Variants in COL1A2 observed in about 807,000 individuals in gnomAD.
The protein encoded by COL1A2 is collagen type I alpha 2 chain.
COL1A2 carries 49 observed loss-of-function variants against 174.3 expected under a neutral mutation model. The ratio of observed to expected loss-of-function variants is 0.28; its 90% confidence interval spans 0.22 to 0.36. The LOEUF (loss-of-function observed/expected upper bound fraction) is 0.36, where lower values mean the gene tolerates loss of function less well. Ranked by LOEUF, COL1A2 falls within the 10% of genes least tolerant of loss-of-function variation. The pLI is 1.00. For synonymous variants in COL1A2, 655 were observed against 606.6 expected (o/e 1.08, Z -1.17); for missense variants, 1,438 against 1,822.7 (o/e 0.79, Z 3.84).
At chr7:94,396,842 C>A (rs1209989279) in intron 1 of COL1A2, among the ~76,000 whole-genome samples, 1 of 152,128 alleles carries the variant, frequency 6.6e-6, no homozygotes, top group Non-Finnish European at 1.5e-5. Flanking sequence ...CACTTCTTGG[C>A]CACCTAATTA....
chr7:94,406,443 T>C (rs867401680), intron 12 of COL1A2, 140 bp downstream of exon 12: 1 of 733,858 alleles, frequency 1.4e-6, no homozygotes, highest in Middle Eastern at 3.1e-4. Context: ...TTCAAATCCC[T>C]CAAGGATGGG....
In COL1A2 at chr7:94,430,601, A is replaced by AT. The variant is rs1017645175; in HGVS notation, c.*211dup. The AT allele has an allele frequency of 6.8e-6, 4 of 587,026 alleles. No individual in the cohort carries two copies. Among genetic ancestry groups the AT allele is most frequent in the African/African-American group, 3.7e-5 (2 of 53,610 alleles). 36.4% of individuals were successfully genotyped at this position (587,026 alleles called of 1,614,324 possible). On this transcript the variant is annotated 3_prime_UTR_variant, in exon 52 of 52. Coordinates refer to ENST00000297268, the MANE Select transcript of COL1A2 (RefSeq NM_000089.4). ...AACTCCTTCCCCCGCTCCCCCAAAA[A>AT]TTTGAATTTTTTTTTCAACACTCTT...
At position 94,427,733 on chromosome 7, in the gene COL1A2, C is replaced by T; in HGVS notation, c.3374C>T (p.Ala1125Val). Residue 1125 changes from alanine (A) to valine (V), a missense_variant, in exon 49 of 52, where the codon GCA becomes GTA. Transcript: ENST00000297268. ...DFYRADQPRS[A>V]PSLRPKDYEV... ...TACAGGGCTGACCAGCCTCGCTCAG[C>T]ACCTTCTCTCAGACCCAAGGACTAT... 6.2e-7 allele frequency: 1 copy of T among 1,614,120 alleles called. No homozygotes were observed.
intron 1 of COL1A2, 51 bp downstream of exon 1, chr7:94,395,152 G>A (rs371620598): frequency 2.0e-5 from 29 of 1,475,140 alleles, no homozygotes; most frequent in Non-Finnish European, 2.3e-5. Context: ...GGTTAGATGG[G>A]AGGGCACCCT....
intron 6 of COL1A2, among the ~76,000 whole-genome samples, chr7:94,402,135 A>G (rs1791700962): frequency 6.6e-6 from 1 of 152,096 alleles, no homozygotes; most frequent in Non-Finnish European, 1.5e-5. Context: ...CATCCAGGTA[A>G]CTAATGACAT....
In COL1A2 at chr7:94,395,125, G is replaced by T. The variant is rs768796844; in HGVS notation, c.70+24G>T. 2.5e-6 allele frequency: 4 copies of T among 1,607,582 alleles called. No homozygotes were observed. The East Asian group carries it at 8.9e-5, about 36-fold the overall frequency. On this transcript the variant is annotated intron_variant, in intron 1 of 51. Coordinates refer to ENST00000297268, the MANE Select transcript of COL1A2 (RefSeq NM_000089.4). The stretch of plus-strand genomic sequence containing the variant: ...ATGTAAGTGCCTTCAGCTTGTTTGG[G>T]GGAGACTGGGTAGAGAGGTTAGATG...
At chr7:94,428,034 C>A in intron 49 of COL1A2, 149 bp downstream of exon 49, 2 of 952,306 alleles carry the variant, frequency 2.1e-6, no homozygotes, top group Non-Finnish European at 1.6e-6. Context: ...CATCTTCTCC[C>A]AACCAGCACC....
At chr7:94,404,376 G>A (rs919081764) in intron 6 of COL1A2, among the ~76,000 whole-genome samples, 180 bp from the exon 7 acceptor site, 1 of 152,170 alleles carries the variant, frequency 6.6e-6, no homozygotes, top group African/African-American at 2.4e-5. Context: ...GGGAGAAAAG[G>A]AAAAGCAAAG....
rs1453079265 is a variant in COL1A2 at position 94,413,929 on chromosome 7, T to C, written c.1647T>C (p.Pro549=). Residue 549 remains proline, a synonymous_variant, in exon 28 of 52, where the codon CCT becomes CCC. Transcript: ENST00000297268. ...GTGGAAAAGGTGAACAGGGTCCCCC[T>C]GGTCCTCCAGGCTTCCAGGTAAGTC... The part of the protein sequence containing the change: ...VQGGKGEQGP[P]GPPGFQGLPG... 1 of 1,614,034 alleles carries C rather than the reference T, an allele frequency of 6.2e-7. No homozygotes were observed. The highest frequency in any genetic ancestry group is 2.2e-5 in the East Asian group (1 of 44,886).
At chr7:94,419,665 A>G in intron 34 of COL1A2, 114 bp downstream of exon 34, 7 of 1,135,512 alleles carry the variant, frequency 6.2e-6, no homozygotes, top group Non-Finnish European at 9.3e-6. Context: ...CTACTTATTT[A>G]AAAACCTAGC....
At chr7:94,425,925 T>TG in intron 44 of COL1A2, 68 bp downstream of exon 44, 1 of 1,591,258 alleles carries the variant, frequency 6.3e-7, no homozygotes, top group Non-Finnish European at 8.6e-7. Flanking sequence ...TTCCCCACAC[T>TG]TGGGGATGGT....
chr7:94,426,354 T>C (rs1305886380), intron 45 of COL1A2, 69 bp from the exon 46 acceptor site: 1 of 1,327,470 alleles, frequency 7.5e-7, no homozygotes, highest in African/African-American at 1.5e-5. Context: ...AATTAAGCAG[T>C]ATTTGTGGTG....
chr7:94,405,627 A>G, intron 10 of COL1A2, 46 bp from the exon 11 acceptor site: 14 of 1,527,904 alleles, frequency 9.2e-6, no homozygotes, highest in Non-Finnish European at 1.3e-5. Flanking sequence ...CTGTCTTTTT[A>G]TTTATGGTAA....
At chr7:94,423,244 A>C in intron 40 of COL1A2, 126 bp downstream of exon 40, 1 of 1,174,592 alleles carries the variant, frequency 8.5e-7, no homozygotes, top group Non-Finnish European at 1.2e-6. Flanking sequence ...AGCTCAGTTG[A>C]GCCAGGAAAT....
rs1791783522 is a variant in COL1A2, at chr7:94,405,852, A to G, written c.540+126A>G. ...TCCCTGGAGTTTGCCAAAGGGAAGAAAGAGTTAAAGAGTCAGATTTCTTGA... is the reference window on the plus strand; with the variant it reads ...TCCCTGGAGTTTGCCAAAGGGAAGAGAGAGTTAAAGAGTCAGATTTCTTGA... On this transcript the variant is annotated intron_variant, in intron 11 of 51. Transcript: ENST00000297268. The G allele has an allele frequency of 4.8e-6, 4 of 834,530 alleles. No individual in the cohort carries two copies. In the Admixed American group the frequency reaches 5.7e-5, roughly 12 times the overall value. The allele number at this position is 834,530 out of a possible 1,614,324, so 51.7% of individuals were successfully genotyped here. A position where few individuals can be genotyped will look rare whatever the true frequency, so the allele number is the denominator to read the frequency against.
At chr7:94,426,975 T>C (rs1270376084) in intron 46 of COL1A2, 33 bp from the exon 47 acceptor site, 2 of 1,604,964 alleles carry the variant, frequency 1.2e-6, no homozygotes, top group East Asian at 2.2e-5. Context: ...ACATGTGCTC[T>C]GAAAGTGTGA....
chr7:94,427,974 AT>A, intron 49 of COL1A2, 89 bp downstream of exon 49: 1 of 1,387,862 alleles, frequency 7.2e-7, no homozygotes, highest in South Asian at 1.2e-5. Context: ...GTGAAAATGC[AT>A]TTGGGTAAAG....
At chr7:94,425,685 CT>C in intron 43 of COL1A2, 22 bp downstream of exon 43, 1 of 1,614,102 alleles carries the variant, frequency 6.2e-7, no homozygotes, top group South Asian at 1.1e-5. Context: ...TTTCATCTTT[CT>C]CTAATTCAAA....
At chr7:94,428,560 T>G (rs1792335283) in intron 50 of COL1A2, 83 bp downstream of exon 50, 2 of 1,312,980 alleles carry the variant, frequency 1.5e-6, no homozygotes, top group Non-Finnish European at 1.1e-6. Context: ...TTTTAATCTC[T>G]GACAAAAATG....
Sources: gnomAD v4.1 joint callset for allele counts (sites outside exome capture counted in the v4.1 genomes callset) on GRCh38, gnomAD v4.1.1 for gene constraint, MANE v1.5 for transcripts, NCBI Gene and HGNC (gene_info 2026-07-23, HGNC 2026-07-21) for gene names.